ANKRD17: variants seen among roughly 807,000 people sequenced by gnomAD.
The protein encoded by ANKRD17 is ankyrin repeat domain 17.
Under a neutral mutation model 229.7 loss-of-function variants are expected in ANKRD17, and 19 were observed. That is an observed-to-expected ratio of 0.08 (90% confidence interval 0.06 to 0.12). The LOEUF (loss-of-function observed/expected upper bound fraction) is 0.12, where lower values mean the gene tolerates loss of function less well. Among genes scored for constraint, ANKRD17 ranks in the 10% least tolerant of loss-of-function variants. ANKRD17 has a pLI of 1.00. For missense variants in ANKRD17, 2,176 were observed against 3,176.8 expected (o/e 0.68, Z 7.57); for synonymous variants, 1,112 against 1,146.1 (o/e 0.97, Z 0.60).
intron 2 of ANKRD17, chr4:73,169,127 C>T (rs1315046174): frequency 6.6e-6 from 1 of 152,106 alleles, no homozygotes; most frequent in Non-Finnish European, 1.5e-5. Context: ...TTTATGGCTG[C>T]ATGGTATTCC....
chr4:73,147,386 C>T lies in ANKRD17; in HGVS notation c.1614G>A (p.Leu538=). Residue 538 remains leucine (L), a synonymous_variant, in exon 9 of 34, where the codon TTG becomes TTA. Coordinates refer to ENST00000358602, the MANE Select transcript of ANKRD17 (RefSeq NM_032217.5). ...AQTEETQETA[L]TLACCGGFLE... ...GAAAGCCTCCACAGCAAGCCAGAGT[C>T]AAGGCAGTTTCTTGAGTTTCTTCTG... 2 of 1,600,854 alleles carry T rather than the reference C, an allele frequency of 1.2e-6. No individual in the cohort carries two copies. The highest frequency in any genetic ancestry group is 8.5e-7 in the Non-Finnish European group (1 of 1,174,298).
Position 73,091,755 on chromosome 4 carries a change from T to A in ANKRD17, c.5873A>T (p.Gln1958Leu). Residue 1958 changes from glutamine (Q) to leucine (L), a missense_variant, in exon 29 of 34, where the codon CAG becomes CTG. By Grantham distance (113) the Gln-to-Leu change is moderately radical (BLOSUM62 -2). Around this residue, in one of 18 missense-constraint regions of ANKRD17, gnomAD observed 424 missense variants for 454.0 expected, o/e 0.93. Coordinates refer to ENST00000358602, the MANE Select transcript of ANKRD17 (RefSeq NM_032217.5). ...RHSNQNSSGS[Q>L]VNSAGSLTSS... is the part of the protein sequence containing the mutation. Reference sequence around the variant, plus strand: ...AGTTAAAGAACCTGCTGAATTCACCTGAGAACCACTGCTATTCTGATTGCT... The same window carrying A: ...AGTTAAAGAACCTGCTGAATTCACCAGAGAACCACTGCTATTCTGATTGCT... 1 of 1,614,196 alleles carries A rather than the reference T, an allele frequency of 6.2e-7. No homozygotes were observed. Among genetic ancestry groups the A allele is most frequent in the Non-Finnish European group, 8.5e-7 (1 of 1,180,044 alleles).
Position 73,101,156 on chromosome 4 carries a change from G to T in ANKRD17, c.4573+1220C>A, listed in dbSNP as rs959414502. On this transcript the variant is annotated intron_variant, in intron 25 of 33. Coordinates refer to ENST00000358602, the MANE Select transcript of ANKRD17 (RefSeq NM_032217.5). ...GTATCTGAATTTTGGTATCCGTGAGGGTCCTGGAAACCATCCCCTGTGGAT... is the reference window on the plus strand; with the variant it reads ...GTATCTGAATTTTGGTATCCGTGAGTGTCCTGGAAACCATCCCCTGTGGAT... 3.3e-6 allele frequency: 3 copies of T among 911,650 alleles called. No homozygotes were observed. The South Asian group carries it at 1.5e-4, about 46-fold the overall frequency. The allele number at this position is 911,650 out of a possible 1,614,324, so 56.5% of individuals were successfully genotyped here.
intron 28 of ANKRD17, among the ~76,000 whole-genome samples, 185 bp from the exon 29 acceptor site, chr4:73,092,485 TACAA>T (rs1722886451): frequency 6.6e-6 from 1 of 152,204 alleles, no homozygotes; most frequent in African/African-American, 2.4e-5. Context: ...TGAGGTATTC[TACAA>T]ACAAAGCAAT....
At chr4:73,171,034 T>C (rs537851267) in intron 2 of ANKRD17, among the ~76,000 whole-genome samples, 14 of 152,040 alleles carry the variant, frequency 9.2e-5, no homozygotes, top group African/African-American at 3.4e-4. Context: ...CAAACATAGG[T>C]GGTAGCCAGG....
intron 27 of ANKRD17, among the ~76,000 whole-genome samples, chr4:73,095,602 C>CAAA (rs74663586): frequency 7.8e-4 from 38 of 48,444 alleles, no homozygotes; most frequent in African/African-American, 2.2e-3. Flanking sequence ...AACTCCATCT[C>CAAA]AAAAAAAAAA....
chr4:73,116,704 A>G (rs919733037), intron 22 of ANKRD17, among the ~76,000 whole-genome samples: 8 of 152,094 alleles, frequency 5.3e-5, no homozygotes, highest in Admixed American at 2.6e-4. Flanking sequence ...AACTATTTAC[A>G]TGGGACAACT....
At chr4:73,153,337 T>C (rs1293752294) in intron 6 of ANKRD17, among the ~76,000 whole-genome samples, 1 of 152,166 alleles carries the variant, frequency 6.6e-6, no homozygotes, top group South Asian at 2.1e-4. Context: ...AAAAATTTTC[T>C]TAATTTACTT....
intron 28 of ANKRD17, among the ~76,000 whole-genome samples, chr4:73,093,272 T>G (rs1315746902): frequency 6.6e-6 from 1 of 152,108 alleles, no homozygotes; most frequent in Non-Finnish European, 1.5e-5. Context: ...TATGATTTCT[T>G]AGAACATCAC....
intron 1 of ANKRD17, among the ~76,000 whole-genome samples, chr4:73,223,878 T>A (rs544087738): frequency 6.6e-6 from 1 of 152,180 alleles, no homozygotes; most frequent in Non-Finnish European, 1.5e-5. Context: ...ATTCCTGTAA[T>A]TGATCTTCCA....
At chr4:73,077,305 T>G in intron 32 of ANKRD17, 50 bp downstream of exon 32, 1 of 1,527,726 alleles carries the variant, frequency 6.5e-7, no homozygotes, top group Non-Finnish European at 8.8e-7. Context: ...TTCAAAACAT[T>G]TTCTCAGAAA....
intron 2 of ANKRD17, among the ~76,000 whole-genome samples, chr4:73,173,184 T>C (rs1360294042): frequency 6.6e-6 from 1 of 152,062 alleles, no homozygotes; most frequent in African/African-American, 2.4e-5. Context: ...ACAAAATAGA[T>C]TTCAACACAA....
chr4:73,080,806 A>G (rs1414062274), intron 30 of ANKRD17: 1 of 152,150 alleles, frequency 6.6e-6, no homozygotes, highest in East Asian at 1.9e-4. Flanking sequence ...ACAACCTTCC[A>G]CATTGTTTTG....
At chr4:73,145,989 T>A (rs148964059) in intron 10 of ANKRD17, among the ~76,000 whole-genome samples, 1 of 152,272 alleles carries the variant, frequency 6.6e-6, no homozygotes, top group African/African-American at 2.4e-5. Context: ...CTCGGGGCCA[T>A]AAATATATGG....
At position 73,115,905 on chromosome 4, in the gene ANKRD17, C is replaced by A; in HGVS notation, c.4200G>T (p.Lys1400Asn). Residue 1400 changes from lysine (K) to asparagine (N), a missense_variant, in exon 23 of 34, where the codon AAG becomes AAT. This residue lies in a region of ANKRD17 where 178 missense variants were observed against 421.7 expected (regional missense o/e 0.42). Transcript: ENST00000358602. ...CTTCTTTGACTAAGTAGCGCACCAC[C>A]TTCACATGACCCTAAAAAATAGATA... ...LMAAFRKGHV[K>N]VVRYLVKEVN... 2 of 1,613,372 alleles carry A rather than the reference C, an allele frequency of 1.2e-6. No homozygotes were observed. Among genetic ancestry groups the A allele is most frequent in the Non-Finnish European group, 1.7e-6 (2 of 1,179,774 alleles).
chr4:73,239,857 GGA>G (rs1481088369), intron 1 of ANKRD17, among the ~76,000 whole-genome samples: 2 of 152,020 alleles, frequency 1.3e-5, no homozygotes, highest in African/African-American at 4.8e-5. Flanking sequence ...TTGGTTTAAA[GGA>G]TATTACCCCC....
At chr4:73,110,984 G>A (rs1258109240) in intron 24 of ANKRD17, among the ~76,000 whole-genome samples, 2 of 152,088 alleles carry the variant, frequency 1.3e-5, no homozygotes, top group African/African-American at 4.8e-5. Flanking sequence ...AATAACGCTG[G>A]CAAGAATACA....
chr4:73,119,076 G>A (rs1726368344), intron 21 of ANKRD17, among the ~76,000 whole-genome samples: 1 of 151,318 alleles, frequency 6.6e-6, no homozygotes, highest in Non-Finnish European at 1.5e-5. Flanking sequence ...TTGTGGAGAT[G>A]GAGTCTTCCT....
intron 30 of ANKRD17, chr4:73,080,805 C>T (rs1721486260): frequency 6.6e-6 from 1 of 152,186 alleles, no homozygotes; most frequent in African/African-American, 2.4e-5. Flanking sequence ...AACAACCTTC[C>T]ACATTGTTTT....
Sources: gnomAD v4.1 joint callset for allele counts (sites outside exome capture counted in the v4.1 genomes callset) on GRCh38, gnomAD v4.1.1 for gene constraint, gnomAD v4.1.1 regional missense constraint, MANE v1.5 for transcripts, NCBI Gene and HGNC (gene_info 2026-07-23, HGNC 2026-07-21) for gene names.